The following COLGALT2 variants were observed in gnomAD, a reference collection of about 807,000 sequenced individuals.
COLGALT2 encodes the protein collagen beta(1-O)galactosyltransferase 2.
COLGALT2 carries 49 observed loss-of-function variants against 73.4 expected under a neutral mutation model. That is an observed-to-expected ratio of 0.67 (90% CI 0.53 to 0.85). The LOEUF (loss-of-function observed/expected upper bound fraction) is 0.85, where lower values mean the gene tolerates loss of function less well. Ranked by LOEUF, COLGALT2 falls within the 40% of genes least tolerant of loss-of-function variation. The pLI, the probability that COLGALT2 is intolerant of heterozygous loss-of-function variation, is 0.00. For missense variants in COLGALT2, 722 were observed against 790.2 expected, an observed-to-expected ratio of 0.91 and a Z score of 1.03; for synonymous variants, 295 against 307.6, an observed-to-expected ratio of 0.96 and a Z score of 0.43.
rs1289454946 is a variant in COLGALT2 at position 183,999,973 on chromosome 1, TG to T, written c.264-21454del. Among the ~76,000 whole-genome samples the T allele has an allele frequency of 3.3e-5, 5 of 152,278 alleles. No homozygotes were observed. In the East Asian group the frequency reaches 9.6e-4, roughly 29 times the overall value. ...CTTCCTTGTCTCCTTGGGTTTATTCTGTTTTTTTACCCGCAAATGTCTTAAG... is the reference window on the plus strand; with the variant it reads ...CTTCCTTGTCTCCTTGGGTTTATTCTTTTTTTTACCCGCAAATGTCTTAAG... On this transcript the variant is annotated intron_variant, in intron 1 of 11. Coordinates refer to ENST00000361927, the MANE Select transcript of COLGALT2 (RefSeq NM_015101.4).
intron 1 of COLGALT2, among the ~76,000 whole-genome samples, chr1:184,018,106 T>A (rs1572680445): frequency 6.6e-6 from 1 of 152,280 alleles, no homozygotes; most frequent in East Asian, 1.9e-4. Flanking sequence ...GTCATGTTAG[T>A]TAAAGCTAAT....
intron 4 of COLGALT2, 120 bp from the exon 5 acceptor site, chr1:183,969,593 G>T: frequency 2.6e-6 from 2 of 761,844 alleles, no homozygotes; most frequent in Non-Finnish European, 2.0e-6. Context: ...CCCAAACAAA[G>T]CCACCTTCAC....
intron 1 of COLGALT2, among the ~76,000 whole-genome samples, chr1:183,979,301 A>G (rs1253205909): frequency 6.6e-6 from 1 of 152,158 alleles, no homozygotes; most frequent in Non-Finnish European, 1.5e-5. Context: ...AAATGAAGAG[A>G]TAATGAAATG....
At chr1:184,033,700 T>C (rs1360562441) in intron 1 of COLGALT2, among the ~76,000 whole-genome samples, 2 of 152,220 alleles carry the variant, frequency 1.3e-5, no homozygotes, top group Non-Finnish European at 2.9e-5. Context: ...GCAGATCTGG[T>C]CCAGAACTTA....
rs910516678 is a variant in COLGALT2, at chr1:183,937,549, G to T, written c.*1212C>A. 3.0e-5 allele frequency: 30 copies of T among 985,180 alleles called. No homozygotes were observed. Among genetic ancestry groups the T allele is most frequent in the Non-Finnish European group, 3.6e-5 (30 of 829,932 alleles). The allele number at this position is 985,180 out of a possible 1,614,324, so 61.0% of individuals were successfully genotyped here. On this transcript the variant is annotated 3_prime_UTR_variant, in exon 12 of 12. Transcript: ENST00000361927. ...TGACCAGCCCTTTGTTTCTGACCAG[G>T]TTTCTCACCTGAGATAGAGAATCAT... is the stretch of plus-strand genomic sequence containing the variant.
chr1:183,973,236 A>G (rs1365512331), intron 4 of COLGALT2, among the ~76,000 whole-genome samples: 2 of 152,132 alleles, frequency 1.3e-5, no homozygotes, highest in Non-Finnish European at 2.9e-5. Flanking sequence ...GGTGATGGGG[A>G]TTTAACATCT....
rs994922722 is a variant in COLGALT2, at chr1:183,957,476, G to A, written c.953-2638C>T. On this transcript the variant is annotated intron_variant, in intron 6 of 11. Transcript: ENST00000361927. Reference sequence around the variant, plus strand: ...TGTCTGGAATAGTACATGATAGATTGTACTTGGATCAAATCCTACCGCTTC... The same window carrying A: ...TGTCTGGAATAGTACATGATAGATTATACTTGGATCAAATCCTACCGCTTC... Among the ~76,000 whole-genome samples the A allele has an allele frequency of 2.0e-5, 3 of 152,188 alleles. No homozygotes were observed. In the East Asian group the frequency reaches 5.8e-4, roughly 29 times the overall value.
At position 183,944,274 on chromosome 1, in the gene COLGALT2, C is replaced by T. The variant is rs747416514; in HGVS notation, c.1319G>A (p.Arg440His). The change falls in exon 10 of 12, where the codon CGT becomes CAT. Residue 440 changes from arginine (R) to histidine (H), a missense_variant. Physicochemically the swap from Arg to His is conservative, Grantham distance 29. Transcript: ENST00000361927. ...CTTCTTCTTAAACTGATGCTCAAAA[C>T]GCACATCGTCTTCAATTACAAGAGT... is the stretch of plus-strand genomic sequence containing the variant. ...EKTLVIEDDVRFEHQFKKKLM... is the reference protein window; with the variant it reads ...EKTLVIEDDVHFEHQFKKKLM... The T allele has an allele frequency of 2.4e-5, 38 of 1,613,890 alleles. 1 individual carries two copies. Among genetic ancestry groups the T allele is most frequent in the Middle Eastern group, 1.6e-4 (1 of 6,084 alleles).
intron 4 of COLGALT2, among the ~76,000 whole-genome samples, chr1:183,972,304 C>T (rs549327187): frequency 7.1e-4 from 108 of 152,250 alleles, no homozygotes; most frequent in African/African-American, 2.2e-3. Flanking sequence ...GATGTGGTTT[C>T]GCCATGTTGC....
At chr1:183,962,526 C>A in intron 6 of COLGALT2, among the ~76,000 whole-genome samples, 1 of 152,070 alleles carries the variant, frequency 6.6e-6, no homozygotes, top group Non-Finnish European at 1.5e-5. Flanking sequence ...CTAAAATCAC[C>A]CCCAGACACT....
chr1:183,933,697 C>T (rs999119532), downstream of COLGALT2, among the ~76,000 whole-genome samples: 1 of 152,188 alleles, frequency 6.6e-6, no homozygotes. Context: ...CAGACATCCA[C>T]CCAGCCACCC....
chr1:184,002,143 G>C (rs1671945671), intron 1 of COLGALT2, among the ~76,000 whole-genome samples: 1 of 152,246 alleles, frequency 6.6e-6, no homozygotes, highest in Non-Finnish European at 1.5e-5. Context: ...AGTGCTCACT[G>C]TACATCCATC....
intron 6 of COLGALT2, among the ~76,000 whole-genome samples, chr1:183,963,340 G>A (rs1670770023): frequency 6.6e-6 from 1 of 152,048 alleles, no homozygotes; most frequent in Non-Finnish European, 1.5e-5. Context: ...TCATTGAATT[G>A]TTGCAAGGAT....
intron 1 of COLGALT2, among the ~76,000 whole-genome samples, chr1:184,000,861 G>C: frequency 7.7e-6 from 1 of 129,322 alleles, no homozygotes; most frequent in African/African-American, 3.1e-5. Flanking sequence ...ACTGAGTCTC[G>C]CTCTGTCGCC....
chr1:183,950,662 C>G (rs376870853), intron 8 of COLGALT2, among the ~76,000 whole-genome samples: 1 of 152,110 alleles, frequency 6.6e-6, no homozygotes, highest in Admixed American at 6.6e-5. Flanking sequence ...GCACTTTATG[C>G]TCTAATTCAG....
Position 183,938,119 on chromosome 1 carries a change from C to A in COLGALT2, c.*642G>T. ...CAAACTGGTCACCTCTATATGAGAACTCCAACTGCCATGATGGTCACAGGC... is the reference window on the plus strand; with the variant it reads ...CAAACTGGTCACCTCTATATGAGAAATCCAACTGCCATGATGGTCACAGGC... On this transcript the variant is annotated 3_prime_UTR_variant, in exon 12 of 12. Coordinates refer to ENST00000361927, the MANE Select transcript of COLGALT2 (RefSeq NM_015101.4). 1 of 985,678 alleles carries A rather than the reference C, an allele frequency of 1.0e-6. No homozygotes were observed. Among genetic ancestry groups the A allele is most frequent in the Non-Finnish European group, 1.2e-6 (1 of 830,182 alleles). The allele number at this position is 985,678 out of a possible 1,614,324, so 61.1% of individuals were successfully genotyped here. A position where few individuals can be genotyped will look rare whatever the true frequency, so the allele number is the denominator to read the frequency against.
chr1:183,969,394 T>C lies in COLGALT2; in HGVS notation c.707A>G (p.His236Arg), dbSNP rs1670973433. The C allele has an allele frequency of 6.2e-7, 1 of 1,613,724 alleles. No homozygotes were observed. The highest frequency in any genetic ancestry group is 1.7e-5 in the Admixed American group (1 of 59,978). ...CCTGAGGTCAATTAGGAAGGTGGAG[T>C]GGACCATGGGGACGGGGAAGCAGCC... is the stretch of plus-strand genomic sequence containing the variant. ...RTGCFPVPMV[H>R]STFLIDLRKE... The change falls in exon 5 of 12, where the codon CAC becomes CGC. Residue 236 changes from histidine (H) to arginine (R), a missense_variant. Transcript: ENST00000361927.
intron 2 of COLGALT2, 56 bp from the exon 3 acceptor site, chr1:183,975,270 TC>T: frequency 9.4e-7 from 1 of 1,064,350 alleles, no homozygotes; most frequent in Non-Finnish European, 1.4e-6. Flanking sequence ...CCAGGCTCTG[TC>T]CTAAATGTTT....
intron 1 of COLGALT2, among the ~76,000 whole-genome samples, chr1:184,029,235 T>G (rs1310984288): frequency 1.3e-5 from 2 of 152,208 alleles, no homozygotes; most frequent in African/African-American, 2.4e-5. Flanking sequence ...TATAATGAGA[T>G]TTTTATTTTT....
Sources: gnomAD v4.1 joint callset for allele counts (sites outside exome capture counted in the v4.1 genomes callset) on GRCh38, gnomAD v4.1.1 for gene constraint, MANE v1.5 for transcripts, NCBI Gene and HGNC (gene_info 2026-07-23, HGNC 2026-07-21) for gene names.